The following BRWD1 variants were observed in gnomAD, a reference collection of about 807,000 sequenced individuals.
The protein encoded by BRWD1 is bromodomain and WD repeat domain containing 1, also known as bromodomain and WD repeat-containing protein 1.
In BRWD1, 82 loss-of-function variants were observed where a neutral mutation model predicts 251.2. The observed-to-expected ratio is 0.33, with a 90% CI of 0.27 to 0.39. BRWD1 has a LOEUF of 0.39. BRWD1 is among the 10% of genes least tolerant of loss of function. BRWD1 has a pLI of 1.00. For synonymous variants in BRWD1, 918 were observed against 902.8 expected, an observed-to-expected ratio of 1.02 and a Z score of -0.30; for missense variants, 2,233 against 2,711.6, an observed-to-expected ratio of 0.82 and a Z score of 3.92.
chr21:39,313,877 A>G (rs964863760), upstream of BRWD1: 18 of 329,192 alleles, frequency 5.5e-5, no homozygotes, highest in African/African-American at 3.9e-4. Context: ...CCCTGCGCGC[A>G]ATGAGGCGGC....
chr21:39,278,938 T>C (rs374276719), intron 9 of BRWD1, 125 bp from the exon 10 acceptor site: 2 of 702,654 alleles, frequency 2.8e-6, no homozygotes, highest in South Asian at 4.0e-5. Context: ...TCTCGCCATG[T>C]TGCCCACACT....
In BRWD1 at chr21:39,280,937, T is replaced by G. The variant is rs113831474; in HGVS notation, c.832-689A>C. Among the ~76,000 whole-genome samples the G allele has an allele frequency of 6.9e-4, 105 of 152,240 alleles. 1 individual carries two copies. Among genetic ancestry groups the G allele is most frequent in the Middle Eastern group, 6.8e-3 (2 of 294 alleles). On this transcript the variant is annotated intron_variant, in intron 8 of 40. Transcript: ENST00000342449. Reference sequence around the variant, plus strand: ...GTACTTAATAAAATACCAAAAGTGCTAAACAAGCAAGCTACAGAAAGGAAG... The same window carrying G: ...GTACTTAATAAAATACCAAAAGTGCGAAACAAGCAAGCTACAGAAAGGAAG...
intron 35 of BRWD1, 106 bp from the exon 36 acceptor site, chr21:39,210,253 G>C: frequency 2.2e-6 from 2 of 928,782 alleles, no homozygotes; most frequent in South Asian, 3.9e-5. Flanking sequence ...AGAGGAAAAG[G>C]TTAGAGGACT....
In BRWD1 at chr21:39,195,584, T is replaced by A. The variant is rs140829861; in HGVS notation, c.*675A>T. On this transcript the variant is annotated 3_prime_UTR_variant, in exon 41 of 41. Coordinates refer to ENST00000342449, the MANE Select transcript of BRWD1 (RefSeq NM_033656.4). ...ATGCACTCAAATCATTAAAAATAAT[T>A]TACCAGCACTTTATAAATTCAAGTT... 3,392 of 984,652 alleles carry A rather than the reference T, an allele frequency of 3.4e-3. 83 individuals carry two copies. The African/African-American group carries it at 0.053, about 15-fold the overall frequency. The allele number at this position is 984,652 out of a possible 1,614,324, so 61.0% of individuals were successfully genotyped here.
chr21:39,200,125 C>T, intron 39 of BRWD1, 94 bp downstream of exon 39: 1 of 1,192,986 alleles, frequency 8.4e-7, no homozygotes, highest in Non-Finnish European at 1.2e-6. Context: ...TTAACTTAAT[C>T]TTACGTAGAT....
chr21:39,298,135 C>T (rs1480305567), intron 5 of BRWD1: 2 of 1,040,752 alleles, frequency 1.9e-6, no homozygotes, highest in Non-Finnish European at 2.3e-6. Flanking sequence ...TATGAGTGAG[C>T]TACAAAATGG....
rs1447045875 is a variant in BRWD1 at position 39,193,044 on chromosome 21, C to A, written c.*3215G>T. ...AAAGGGCTTAGTGATGCATCTTATT[C>A]TTTACTTTTGGACAGTAACACCCTC... On this transcript the variant is annotated 3_prime_UTR_variant, in exon 41 of 41. Coordinates refer to ENST00000342449, the MANE Select transcript of BRWD1 (RefSeq NM_033656.4). 7 of 984,998 alleles carry A rather than the reference C, an allele frequency of 7.1e-6. No individual in the cohort carries two copies. Among genetic ancestry groups the A allele is most frequent in the Non-Finnish European group, 8.4e-6 (7 of 829,748 alleles). The allele number at this position is 984,998 out of a possible 1,614,324, so 61.0% of individuals were successfully genotyped here.
chr21:39,236,338 G>T (rs899040609), intron 23 of BRWD1, among the ~76,000 whole-genome samples: 1 of 152,036 alleles, frequency 6.6e-6, no homozygotes, highest in Admixed American at 6.5e-5. Flanking sequence ...ATCCACAGGG[G>T]TTGAAAGTAG....
intron 1 of BRWD1, among the ~76,000 whole-genome samples, chr21:39,320,703 CT>C (rs2036738584): frequency 7.6e-6 from 1 of 130,834 alleles, no homozygotes. Flanking sequence ...CAGAATCTTG[CT>C]CTCTTGCCCA....
chr21:39,197,475 C>A, intron 40 of BRWD1, 60 bp from the exon 41 acceptor site: 2 of 1,355,368 alleles, frequency 1.5e-6, no homozygotes, highest in South Asian at 2.8e-5. Context: ...ATTATATGTT[C>A]AATATTAAAA....
intron 5 of BRWD1, chr21:39,297,831 T>C: frequency 1.1e-6 from 1 of 951,894 alleles, no homozygotes; most frequent in Non-Finnish European, 1.3e-6. Flanking sequence ...TTTAGCCACA[T>C]GTACACATAT....
At chr21:39,252,270 A>G (rs943777259) in intron 19 of BRWD1, among the ~76,000 whole-genome samples, 5 of 144,754 alleles carry the variant, frequency 3.5e-5, no homozygotes, top group Non-Finnish European at 1.5e-5. Flanking sequence ...AAAAAAATTT[A>G]TAATGAATAG....
chr21:39,271,542 G>A (rs534922678), intron 13 of BRWD1, among the ~76,000 whole-genome samples: 1 of 149,612 alleles, frequency 6.7e-6, no homozygotes, highest in South Asian at 2.1e-4. Flanking sequence ...ACAAAAAAAA[G>A]CAAAATTAGC....
At chr21:39,310,603 CA>C (rs59612585) in intron 4 of BRWD1, among the ~76,000 whole-genome samples, 33 of 149,640 alleles carry the variant, frequency 2.2e-4, no homozygotes, top group South Asian at 4.2e-4. Context: ...CAGACTGTCT[CA>C]AAAAAAAAAA....
chr21:39,309,154 C>G (rs894922777), intron 4 of BRWD1, among the ~76,000 whole-genome samples: 1 of 150,246 alleles, frequency 6.7e-6, no homozygotes. Context: ...AGCCTGGCGA[C>G]AGAGTGAGAC....
intron 20 of BRWD1, among the ~76,000 whole-genome samples, chr21:39,248,037 C>A (rs1157220274): frequency 6.6e-6 from 1 of 152,082 alleles, no homozygotes; most frequent in Non-Finnish European, 1.5e-5. Flanking sequence ...AGAAAATGCA[C>A]ATTAGATGGG....
chr21:39,308,779 G>A (rs372200626), intron 4 of BRWD1, among the ~76,000 whole-genome samples: 160 of 152,108 alleles, frequency 1.1e-3, no homozygotes, highest in African/African-American at 3.7e-3. Flanking sequence ...GGAACAATAA[G>A]ACAAATACAG....
At chr21:39,312,513 T>G in intron 4 of BRWD1, 2 of 237,052 alleles carry the variant, frequency 8.4e-6, no homozygotes, top group South Asian at 6.3e-5. Context: ...GGGAAGCGAA[T>G]GAAACCGCCC....
At chr21:39,244,921 A>AATATATATATACATATATATATATATAT (rs1555859653) in intron 21 of BRWD1, among the ~76,000 whole-genome samples, 24 of 112,550 alleles carry the variant, frequency 2.1e-4, no homozygotes, top group Middle Eastern at 5.2e-3. Flanking sequence ...CTTTGGAAGA[A>AATATATATATACATATATATATATATAT]ATATATATAT....
Sources: gnomAD v4.1 joint callset for allele counts (sites outside exome capture counted in the v4.1 genomes callset) on GRCh38, gnomAD v4.1.1 for gene constraint, MANE v1.5 for transcripts, NCBI Gene and HGNC (gene_info 2026-07-23, HGNC 2026-07-21) for gene names.